The following RPS6KC1 variants were observed in gnomAD, a reference collection of about 807,000 sequenced individuals.
RPS6KC1 encodes ribosomal protein S6 kinase C1, also known as inactive ribosomal protein S6 kinase delta-1.
In RPS6KC1, 54 loss-of-function variants were observed where a neutral mutation model predicts 103.8. The ratio of observed to expected loss-of-function variants is 0.52; its 90% CI spans 0.42 to 0.65. RPS6KC1 has a LOEUF of 0.65. RPS6KC1 is among the 30% of genes least tolerant of loss of function. RPS6KC1 has a pLI of 0.00. For missense variants in RPS6KC1, 1,151 were observed against 1,253.8 expected (o/e 0.92, Z 1.24); for synonymous variants, 439 against 438.7 (o/e 1.00, Z -0.01).
intron 4 of RPS6KC1, among the ~76,000 whole-genome samples, chr1:213,109,469 A>T (rs1270196276): frequency 6.6e-6 from 1 of 152,192 alleles, no homozygotes; most frequent in Admixed American, 6.5e-5. Context: ...GCAATGTTTC[A>T]TAATTTTCAG....
At chr1:213,359,140 A>G in the RPS6KC1 span, among the ~76,000 whole-genome samples, 15 of 152,054 alleles carry the variant, frequency 9.9e-5, no homozygotes, top group Non-Finnish European at 1.8e-4. Flanking sequence ...TGATCTGTCT[A>G]ATGTTGACAG....
At chr1:213,637,161 G>T in the RPS6KC1 span, among the ~76,000 whole-genome samples, 3 of 152,158 alleles carry the variant, frequency 2.0e-5, no homozygotes, top group African/African-American at 7.2e-5. Flanking sequence ...TACACTGTTG[G>T]TGGGAGTGTA....
intron 8 of RPS6KC1, among the ~76,000 whole-genome samples, chr1:213,209,420 G>T (rs1056155132): frequency 4.6e-5 from 7 of 152,150 alleles, no homozygotes; most frequent in African/African-American, 1.7e-4. Flanking sequence ...AGGAGGCCAG[G>T]TGTGGTGGCT....
chr1:213,301,813 GC>G, the RPS6KC1 span, among the ~76,000 whole-genome samples: 1 of 151,832 alleles, frequency 6.6e-6, no homozygotes, highest in African/African-American at 2.4e-5. Flanking sequence ...TTGGCTTACT[GC>G]AACCTCCACC....
At chr1:213,734,484 A>G in the RPS6KC1 span, among the ~76,000 whole-genome samples, 1 of 152,208 alleles carries the variant, frequency 6.6e-6, no homozygotes, top group Non-Finnish European at 1.5e-5. Context: ...TCAGTAGGCC[A>G]CAGAGCAGTT....
chr1:213,637,815 T>C, the RPS6KC1 span, among the ~76,000 whole-genome samples: 1 of 152,022 alleles, frequency 6.6e-6, no homozygotes, highest in Non-Finnish European at 1.5e-5. Context: ...CTTTTTGTTT[T>C]GTTTTGTTTT....
the RPS6KC1 span, among the ~76,000 whole-genome samples, chr1:213,529,009 A>G: frequency 6.6e-6 from 1 of 152,188 alleles, no homozygotes; most frequent in Admixed American, 6.5e-5. Flanking sequence ...AGTTTTGACT[A>G]TGGGCTAGAC....
At chr1:213,498,542 C>T in the RPS6KC1 span, among the ~76,000 whole-genome samples, 10 of 151,820 alleles carry the variant, frequency 6.6e-5, no homozygotes, top group African/African-American at 1.9e-4. Flanking sequence ...GCAAGCTCTG[C>T]CTCCCAGATT....
At chr1:213,737,332 T>C in the RPS6KC1 span, among the ~76,000 whole-genome samples, 1,543 of 152,280 alleles carry the variant, frequency 0.01, 31 homozygotes, top group East Asian at 0.081. Context: ...TCCAGTCACA[T>C]TGGGGAAGAC....
the RPS6KC1 span, among the ~76,000 whole-genome samples, chr1:213,803,490 G>A: frequency 1.1e-4 from 16 of 152,076 alleles, no homozygotes; most frequent in African/African-American, 3.4e-4. Context: ...CAGGTGATCC[G>A]CCCGCCTCGG....
the RPS6KC1 span, among the ~76,000 whole-genome samples, chr1:213,367,495 T>C: frequency 6.6e-6 from 1 of 152,234 alleles, no homozygotes; most frequent in Non-Finnish European, 1.5e-5. Context: ...TGACGTGAAA[T>C]CAACCACGTC....
chr1:213,686,998 G>A, the RPS6KC1 span, among the ~76,000 whole-genome samples: 2 of 150,236 alleles, frequency 1.3e-5, no homozygotes, highest in African/African-American at 4.9e-5. Flanking sequence ...TGGTGGGGGT[G>A]TCTTTTAGCA....
chr1:213,338,769 A>AT, the RPS6KC1 span, among the ~76,000 whole-genome samples: 40,000 of 138,292 alleles, frequency 0.29, 5,681 homozygotes, highest in Non-Finnish European at 0.3. Flanking sequence ...GTCTTGCAGC[A>AT]TTTTTTTTTT....
chr1:213,728,941 T>TTG, the RPS6KC1 span, among the ~76,000 whole-genome samples: 1 of 97,120 alleles, frequency 1.0e-5, no homozygotes, highest in Non-Finnish European at 2.0e-5. Context: ...ATGAGGGTTT[T>TTG]TTTTTTGTTT....
At chr1:213,348,433 C>T in the RPS6KC1 span, among the ~76,000 whole-genome samples, 1 of 152,156 alleles carries the variant, frequency 6.6e-6, no homozygotes. Flanking sequence ...AGAAGTCTTT[C>T]AAGGGTGCTC....
At chr1:213,683,311 C>A in the RPS6KC1 span, among the ~76,000 whole-genome samples, 1 of 152,126 alleles carries the variant, frequency 6.6e-6, no homozygotes, top group African/African-American at 2.4e-5. Context: ...AATGGGCATG[C>A]CTCTCCATTT....
intron 1 of RPS6KC1, among the ~76,000 whole-genome samples, chr1:213,065,882 GTGT>G (rs1372152807): frequency 2.6e-5 from 4 of 152,284 alleles, no homozygotes; most frequent in African/African-American, 9.6e-5. Flanking sequence ...GAGGGAGGCA[GTGT>G]AATAGAGTGG....
the RPS6KC1 span, among the ~76,000 whole-genome samples, chr1:213,708,911 A>G: frequency 1.6e-4 from 25 of 152,188 alleles, no homozygotes; most frequent in African/African-American, 6.0e-4. Flanking sequence ...AGACTTGATC[A>G]TGGTGGATAA....
intron 4 of RPS6KC1, among the ~76,000 whole-genome samples, chr1:213,116,035 T>A (rs1000512734): frequency 2.0e-4 from 31 of 152,054 alleles, no homozygotes; most frequent in Admixed American, 8.5e-4. Flanking sequence ...TTCTGTTGAT[T>A]TGGGGTGGAG....
Sources: gnomAD v4.1 joint callset for allele counts (sites outside exome capture counted in the v4.1 genomes callset) on GRCh38, gnomAD v4.1.1 for gene constraint, MANE v1.5 for transcripts, NCBI Gene and HGNC (gene_info 2026-07-23, HGNC 2026-07-21) for gene names.